RTN4IP1: variants seen among roughly 807,000 people sequenced by gnomAD.
RTN4IP1 encodes the protein NAD(P)H oxidoreductase RTN4IP1, mitochondrial.
RTN4IP1 carries 32 observed loss-of-function variants against 46.6 expected under a neutral mutation model. That is an observed-to-expected ratio of 0.69 (90% CI 0.52 to 0.92). The LOEUF (loss-of-function observed/expected upper bound fraction) is 0.92, where lower values mean the gene tolerates loss of function less well. Among genes scored for constraint, RTN4IP1 ranks in the 40% least tolerant of loss-of-function variants. The pLI, the probability that RTN4IP1 is intolerant of heterozygous loss-of-function variation, is 0.00. For synonymous variants in RTN4IP1, 167 were observed against 161.8 expected, an observed-to-expected ratio of 1.03 and a Z score of -0.24; for missense variants, 424 against 485.8, an observed-to-expected ratio of 0.87 and a Z score of 1.20.
rs145771411 is a variant in RTN4IP1 at position 106,601,739 on chromosome 6, T to C, written c.669+1135A>G. ...AATTCTCCTGCCTCAGCCTCCTGAG[T>C]AACTGGAATTACAGACACATGCCAC... On this transcript the variant is annotated intron_variant, in intron 5 of 8. Transcript: ENST00000369063. Among the ~76,000 whole-genome samples, 513 of 152,224 alleles carry C rather than the reference T, an allele frequency of 3.4e-3. 5 individuals are homozygous for C. The highest frequency in any genetic ancestry group is 0.012 in the African/African-American group (481 of 41,530).
intron 6 of RTN4IP1, among the ~76,000 whole-genome samples, chr6:106,591,711 G>A (rs1259553257): frequency 6.6e-6 from 1 of 152,004 alleles, no homozygotes. Flanking sequence ...CAGACACACT[G>A]GGAACATCCA....
chr6:106,575,940 G>A (rs1211441918), intron 8 of RTN4IP1, among the ~76,000 whole-genome samples: 1 of 152,090 alleles, frequency 6.6e-6, no homozygotes, highest in South Asian at 2.1e-4. Flanking sequence ...GTGTGTGAGG[G>A]GACACTGACA....
intron 5 of RTN4IP1, 37 bp downstream of exon 5, chr6:106,602,837 A>G (rs756865584): frequency 7.0e-7 from 1 of 1,437,424 alleles, no homozygotes; most frequent in African/African-American, 1.4e-5. Context: ...CATGCAAACA[A>G]AATCCTCCTA....
At chr6:106,580,649 G>C (rs1258865556) in intron 8 of RTN4IP1, among the ~76,000 whole-genome samples, 2 of 151,156 alleles carry the variant, frequency 1.3e-5, no homozygotes, top group Admixed American at 6.6e-5. Context: ...TACCCGGGAA[G>C]TGGAGGTTGC....
chr6:106,612,384 CAAAAAAAAAAAAAA>C (rs1180927898), intron 4 of RTN4IP1, among the ~76,000 whole-genome samples: 19 of 18,908 alleles, frequency 1.0e-3, no homozygotes, highest in Non-Finnish European at 1.6e-3. Context: ...AAGACTCCGT[CAAAAAAAAAAAAAA>C]AAAAAAAAAA....
chr6:106,577,925 T>C (rs1484076149), intron 8 of RTN4IP1, among the ~76,000 whole-genome samples: 3 of 152,216 alleles, frequency 2.0e-5, no homozygotes, highest in African/African-American at 4.8e-5. Context: ...TTTGGACTTC[T>C]GACCAAAATC....
chr6:106,598,779 T>C (rs1775870164), intron 5 of RTN4IP1, among the ~76,000 whole-genome samples: 1 of 151,440 alleles, frequency 6.6e-6, no homozygotes, highest in Non-Finnish European at 1.5e-5. Context: ...CCCATGCCTA[T>C]GTCCTGAATG....
intron 1 of RTN4IP1, among the ~76,000 whole-genome samples, chr6:106,626,019 TAGAAA>T (rs887780476): frequency 6.6e-6 from 1 of 151,830 alleles, no homozygotes; most frequent in African/African-American, 2.4e-5. Flanking sequence ...GATGATCCAG[TAGAAA>T]AGAAAAGACT....
intron 1 of RTN4IP1, among the ~76,000 whole-genome samples, chr6:106,624,935 CAAAAA>C (rs1329840633): frequency 4.2e-5 from 2 of 47,992 alleles, no homozygotes; most frequent in African/African-American, 6.1e-5. Flanking sequence ...AGCTCTGTCT[CAAAAA>C]AAAAAAAAAA....
chr6:106,622,633 T>C (rs1562155967), intron 2 of RTN4IP1, among the ~76,000 whole-genome samples, 185 bp downstream of exon 2: 1 of 152,244 alleles, frequency 6.6e-6, no homozygotes, highest in Non-Finnish European at 1.5e-5. Context: ...CTACGTCATT[T>C]AATCTGTACT....
At chr6:106,625,845 G>A (rs1425283593) in intron 1 of RTN4IP1, among the ~76,000 whole-genome samples, 6 of 151,502 alleles carry the variant, frequency 4.0e-5, no homozygotes, top group Middle Eastern at 6.8e-3. Flanking sequence ...TAGTAGAGAC[G>A]GGGTTTCTCC....
intron 1 of RTN4IP1, among the ~76,000 whole-genome samples, chr6:106,624,361 T>C (rs1363338706): frequency 2.0e-5 from 3 of 151,796 alleles, no homozygotes; most frequent in African/African-American, 7.3e-5. Context: ...GCCTATTTTA[T>C]TTATTTTTTT....
At chr6:106,629,532 T>A, upstream of RTN4IP1, 1 of 1,013,152 alleles carries the variant, frequency 9.9e-7, no homozygotes, top group South Asian at 1.7e-5. Context: ...GATCATTTCC[T>A]CGGGCTGCAA....
Position 106,612,587 on chromosome 6 carries a change from AAT to A in RTN4IP1, c.620+6613_620+6614del, listed in dbSNP as rs552252317. ...GTTCTAAATTTCTTTTCAAATAATT[AAT>A]ATGTCAGTATGTTCAATTCTTTGCC... On this transcript the variant is annotated intron_variant, in intron 4 of 8. Coordinates refer to ENST00000369063, the MANE Select transcript of RTN4IP1 (RefSeq NM_032730.5). Among the ~76,000 whole-genome samples the A allele has an allele frequency of 1.9e-3, 287 of 151,844 alleles. 2 individuals are homozygous for A. The highest frequency in any genetic ancestry group is 6.6e-3 in the African/African-American group (273 of 41,388).
At chr6:106,601,394 G>A (rs1344532717) in intron 5 of RTN4IP1, among the ~76,000 whole-genome samples, 1 of 151,988 alleles carries the variant, frequency 6.6e-6, no homozygotes, top group Non-Finnish European at 1.5e-5. Context: ...AGTGCCCTTT[G>A]ACATACAAAA....
upstream of RTN4IP1, among the ~76,000 whole-genome samples, chr6:106,630,201 T>C (rs1222759921): frequency 6.6e-6 from 1 of 152,220 alleles, no homozygotes; most frequent in Non-Finnish European, 1.5e-5. Flanking sequence ...CTCCATGTCC[T>C]GGACGTCGTG....
intron 1 of RTN4IP1, among the ~76,000 whole-genome samples, chr6:106,623,912 C>A (rs1776561825): frequency 6.6e-6 from 1 of 152,180 alleles, no homozygotes; most frequent in Non-Finnish European, 1.5e-5. Context: ...ATGCTGACAA[C>A]AGTTTACCAG....
chr6:106,615,122 A>AC (rs1019563785), intron 4 of RTN4IP1, among the ~76,000 whole-genome samples: 1 of 151,508 alleles, frequency 6.6e-6, no homozygotes, highest in Non-Finnish European at 1.5e-5. Context: ...ACTTCCCCTT[A>AC]CCCCCCTAAC....
intron 4 of RTN4IP1, among the ~76,000 whole-genome samples, chr6:106,612,849 G>A (rs532065061): frequency 6.6e-6 from 1 of 152,098 alleles, no homozygotes; most frequent in Non-Finnish European, 1.5e-5. Flanking sequence ...TAGCCAATAG[G>A]GGAATGACAG....
Sources: allele counts gnomAD v4.1 joint callset (sites outside exome capture counted in the v4.1 genomes callset), GRCh38; gene constraint gnomAD v4.1.1; transcripts MANE v1.5; gene names NCBI Gene and HGNC (gene_info 2026-07-23, HGNC 2026-07-21).